The following CDH12 variants were observed in gnomAD, a reference collection of about 807,000 sequenced individuals.
The protein encoded by CDH12 is cadherin 12.
Under a neutral mutation model 74.1 loss-of-function variants are expected in CDH12, and 41 were observed. The observed-to-expected ratio is 0.55, with a 90% confidence interval of 0.43 to 0.72. CDH12 has a LOEUF of 0.72. Ranked by LOEUF, CDH12 falls within the 30% of genes least tolerant of loss-of-function variation. CDH12 has a pLI of 0.00. For missense variants in CDH12, 945 were observed against 977.2 expected, an observed-to-expected ratio of 0.97 and a Z score of 0.44; for synonymous variants, 399 against 355.0, an observed-to-expected ratio of 1.12 and a Z score of -1.39.
At chr5:22,044,219 AC>A (rs1288531159) in intron 5 of CDH12, among the ~76,000 whole-genome samples, 2 of 152,196 alleles carry the variant, frequency 1.3e-5, no homozygotes, top group Non-Finnish European at 2.9e-5. Context: ...CTGGCAAAAA[AC>A]AAAACAAAAC....
chr5:22,540,027 A>G (rs1053610022), intron 1 of CDH12, among the ~76,000 whole-genome samples: 1 of 152,198 alleles, frequency 6.6e-6, no homozygotes, highest in Non-Finnish European at 1.5e-5. Context: ...AATGTCAATG[A>G]GATGTTCTAC....
chr5:22,277,703 G>A (rs1446490131), intron 3 of CDH12, among the ~76,000 whole-genome samples: 3 of 152,082 alleles, frequency 2.0e-5, no homozygotes, highest in African/African-American at 7.2e-5. Context: ...GCGTGATGGT[G>A]GGTGCCTGTA....
chr5:21,906,027 A>T (rs1753625052), intron 6 of CDH12, among the ~76,000 whole-genome samples: 1 of 152,190 alleles, frequency 6.6e-6, no homozygotes. Flanking sequence ...AATAGAAATA[A>T]CAGATTAAAA....
At chr5:21,881,656 T>G (rs1464880419) in intron 6 of CDH12, among the ~76,000 whole-genome samples, 1 of 152,240 alleles carries the variant, frequency 6.6e-6, no homozygotes, top group African/African-American at 2.4e-5. Context: ...TTTACTTAAG[T>G]AAACAAATAG....
At chr5:22,356,492 T>C (rs1740568265) in intron 3 of CDH12, among the ~76,000 whole-genome samples, 1 of 152,174 alleles carries the variant, frequency 6.6e-6, no homozygotes, top group South Asian at 2.1e-4. Context: ...CTATCTCATG[T>C]TCTGGAGTAC....
intron 2 of CDH12, among the ~76,000 whole-genome samples, chr5:22,419,527 C>T (rs1235134503): frequency 2.6e-5 from 4 of 152,170 alleles, no homozygotes; most frequent in African/African-American, 9.7e-5. Flanking sequence ...ATATGTACCA[C>T]ATTTTCTTTA....
chr5:22,671,875 G>A (rs937897496), intron 1 of CDH12, among the ~76,000 whole-genome samples: 11 of 150,598 alleles, frequency 7.3e-5, no homozygotes, highest in African/African-American at 2.7e-4. Context: ...TGGGGTAACT[G>A]TTGACATTTC....
intron 4 of CDH12, among the ~76,000 whole-genome samples, chr5:22,187,668 AG>A: frequency 1.0e-4 from 15 of 149,906 alleles, no homozygotes; most frequent in African/African-American, 3.4e-4. Flanking sequence ...AAAAAAAGAA[AG>A]AAAGAAAGAA....
At chr5:21,880,607 C>CT (rs1561268224) in intron 6 of CDH12, among the ~76,000 whole-genome samples, 5 of 70,086 alleles carry the variant, frequency 7.1e-5, no homozygotes, top group African/African-American at 2.6e-4. Context: ...TTCCTTCCTT[C>CT]CTTCCTTCCT....
At chr5:22,705,697 G>A (rs1008704320) in intron 1 of CDH12, among the ~76,000 whole-genome samples, 10 of 151,946 alleles carry the variant, frequency 6.6e-5, no homozygotes, top group African/African-American at 2.4e-4. Context: ...ATGCCACCAA[G>A]GGAGAAGATA....
At chr5:22,717,844 C>A (rs1270775028) in intron 1 of CDH12, among the ~76,000 whole-genome samples, 1 of 152,010 alleles carries the variant, frequency 6.6e-6, no homozygotes, top group Non-Finnish European at 1.5e-5. Context: ...AGAAAATGCT[C>A]AAATATTTTC....
chr5:22,760,969 C>T (rs996930214), intron 1 of CDH12, among the ~76,000 whole-genome samples: 5 of 152,222 alleles, frequency 3.3e-5, no homozygotes, highest in Admixed American at 2.6e-4. Flanking sequence ...TTTTAAAATA[C>T]TCTCCATCAC....
intron 3 of CDH12, among the ~76,000 whole-genome samples, chr5:22,331,420 C>A (rs1322443222): frequency 6.6e-6 from 1 of 152,136 alleles, no homozygotes; most frequent in East Asian, 1.9e-4. Context: ...GAATTAGAGT[C>A]TCTGCCTGGT....
chr5:21,768,158 A>T (rs1348075505), intron 11 of CDH12, among the ~76,000 whole-genome samples: 2 of 151,794 alleles, frequency 1.3e-5, no homozygotes, highest in African/African-American at 4.8e-5. Flanking sequence ...TTACACAATT[A>T]AGTGTTAAGT....
At chr5:21,781,186 A>T (rs1169695692) in intron 11 of CDH12, among the ~76,000 whole-genome samples, 1 of 152,150 alleles carries the variant, frequency 6.6e-6, no homozygotes, top group Non-Finnish European at 1.5e-5. Flanking sequence ...TCCCATGGTC[A>T]GCTGGACACA....
At chr5:22,823,286 T>C (rs1749817464) in intron 1 of CDH12, among the ~76,000 whole-genome samples, 1 of 151,568 alleles carries the variant, frequency 6.6e-6, no homozygotes, top group Admixed American at 6.6e-5. Flanking sequence ...TAATGCTAAA[T>C]GACGAGTTAA....
At chr5:22,668,962 G>T (rs978488059) in intron 1 of CDH12, among the ~76,000 whole-genome samples, 9 of 151,258 alleles carry the variant, frequency 6.0e-5, no homozygotes, top group African/African-American at 1.7e-4. Flanking sequence ...TCAGGTTTAA[G>T]TTACCTCCAT....
intron 2 of CDH12, among the ~76,000 whole-genome samples, chr5:22,419,659 T>C (rs997736341): frequency 6.6e-6 from 1 of 152,202 alleles, no homozygotes; most frequent in Non-Finnish European, 1.5e-5. Context: ...GCTTTGGGTA[T>C]ATAGCCAGTG....
intron 3 of CDH12, among the ~76,000 whole-genome samples, chr5:22,239,965 ACTT>A (rs1453010304): frequency 1.6e-4 from 24 of 152,290 alleles, no homozygotes; most frequent in African/African-American, 5.5e-4. Context: ...CTTTCCCGGT[ACTT>A]CTTCTTATAA....
Sources: gnomAD v4.1 joint callset for allele counts (sites outside exome capture counted in the v4.1 genomes callset) on GRCh38, gnomAD v4.1.1 for gene constraint, MANE v1.5 for transcripts, NCBI Gene and HGNC (gene_info 2026-07-23, HGNC 2026-07-21) for gene names.